The following ATXN2 variants were observed in gnomAD, a reference collection of about 807,000 sequenced individuals.
The protein encoded by ATXN2 is ataxin 2.
In ATXN2, 37 loss-of-function variants were observed where a neutral mutation model predicts 138.6. The ratio of observed to expected loss-of-function variants is 0.27; its 90% CI spans 0.21 to 0.35. The LOEUF (loss-of-function observed/expected upper bound fraction) is 0.35, where lower values mean the gene tolerates loss of function less well. ATXN2 is among the 10% of genes least tolerant of loss of function. The pLI is 1.00. For synonymous variants in ATXN2, 549 were observed against 543.7 expected, an observed-to-expected ratio of 1.01 and a Z score of -0.13; for missense variants, 1,216 against 1,480.3, an observed-to-expected ratio of 0.82 and a Z score of 2.93.
chr12:111,537,939 A>C (rs1400982461), intron 5 of ATXN2, among the ~76,000 whole-genome samples: 1 of 152,088 alleles, frequency 6.6e-6, no homozygotes, highest in African/African-American at 2.4e-5. Context: ...AACAAAAAAT[A>C]ACAACAAAAA....
At chr12:111,544,747 G>A (rs939930849) in intron 5 of ATXN2, among the ~76,000 whole-genome samples, 1 of 152,152 alleles carries the variant, frequency 6.6e-6, no homozygotes, top group African/African-American at 2.4e-5. Flanking sequence ...TTCTGAAGGA[G>A]GGTGAAACCA....
intron 1 of ATXN2, among the ~76,000 whole-genome samples, chr12:111,595,055 G>A (rs1429205036): frequency 6.6e-6 from 1 of 152,038 alleles, no homozygotes; most frequent in Non-Finnish European, 1.5e-5. Flanking sequence ...CAGTAAAAAT[G>A]CAATTTTTCC....
chr12:111,558,877 G>A (rs1334185344), intron 1 of ATXN2, among the ~76,000 whole-genome samples: 1 of 151,104 alleles, frequency 6.6e-6, no homozygotes, highest in Non-Finnish European at 1.5e-5. Flanking sequence ...GGTATGAGCT[G>A]ATAACTATTA....
At chr12:111,517,220 C>T (rs1277199860) in intron 9 of ATXN2, among the ~76,000 whole-genome samples, 3 of 152,126 alleles carry the variant, frequency 2.0e-5, no homozygotes, top group African/African-American at 7.2e-5. Context: ...GTCTCCTCTC[C>T]ATAGGGTTCC....
At chr12:111,576,165 C>T (rs1225864107) in intron 1 of ATXN2, among the ~76,000 whole-genome samples, 3 of 147,506 alleles carry the variant, frequency 2.0e-5, no homozygotes, top group African/African-American at 5.1e-5. Context: ...ATAGTCTGGC[C>T]GGGCACCACG....
chr12:111,515,157 G>A (rs186248591), intron 10 of ATXN2, among the ~76,000 whole-genome samples: 4 of 152,254 alleles, frequency 2.6e-5, no homozygotes, highest in Non-Finnish European at 5.9e-5. Flanking sequence ...CATATGACCT[G>A]CCTGCTTAGA....
At position 111,510,002 on chromosome 12, in the gene ATXN2, GA is replaced by G. The variant is rs1287713101; in HGVS notation, c.1757-5del. 9 of 1,581,014 alleles carry G rather than the reference GA, an allele frequency of 5.7e-6. No individual in the cohort carries two copies. Among genetic ancestry groups the G allele is most frequent in the Non-Finnish European group, 6.0e-6 (7 of 1,164,366 alleles). On this transcript the variant is annotated splice_polypyrimidine_tract_variant and splice_region_variant and intron_variant, in intron 12 of 24. Coordinates refer to ENST00000673436, the MANE Select transcript of ATXN2 (RefSeq NM_001372574.1). ...TCTTGAAGCCTGGAATCTTTAGCTA[GA>G]AAACAATTTTTTAAAAAAAATTCAG...
At chr12:111,563,963 C>T (rs1205864630) in intron 1 of ATXN2, among the ~76,000 whole-genome samples, 1 of 152,202 alleles carries the variant, frequency 6.6e-6, no homozygotes, top group Non-Finnish European at 1.5e-5. Context: ...TCAGGACCAT[C>T]ACCTGACCAT....
At chr12:111,474,388 AC>A (rs1443000792) in intron 18 of ATXN2, among the ~76,000 whole-genome samples, 1 of 146,748 alleles carries the variant, frequency 6.8e-6, no homozygotes, top group Non-Finnish European at 1.5e-5. Context: ...AGATGGTGAG[AC>A]TCTGTCTCAA....
chr12:111,500,267 T>C (rs1033689392), intron 14 of ATXN2, among the ~76,000 whole-genome samples: 1 of 152,134 alleles, frequency 6.6e-6, no homozygotes, highest in African/African-American at 2.4e-5. Flanking sequence ...ACACAATAGA[T>C]TACCATTCAG....
At chr12:111,480,780 T>C (rs751478590) in intron 18 of ATXN2, among the ~76,000 whole-genome samples, 7 of 152,120 alleles carry the variant, frequency 4.6e-5, no homozygotes, top group Non-Finnish European at 1.0e-4. Flanking sequence ...TCTCATCTCA[T>C]ACACAAAAAT....
chr12:111,485,278 A>G lies in ATXN2; in HGVS notation c.2511T>C (p.Tyr837=), dbSNP rs764150335. Residue 837 remains tyrosine, a synonymous_variant, in exon 18 of 25, where the codon TAT becomes TAC. Coordinates refer to ENST00000673436, the MANE Select transcript of ATXN2 (RefSeq NM_001372574.1). ...GATTATTCTCACCTTTACCTGCTCTATATGTCTTGGCTTGATTCACTGGCA... is the reference window on the plus strand; with the variant it reads ...GATTATTCTCACCTTTACCTGCTCTGTATGTCTTGGCTTGATTCACTGGCA... ...TPMPVNQAKT[Y]RAGKVPNMPQ... The G allele has an allele frequency of 2.7e-5, 43 of 1,612,684 alleles. No homozygotes were observed. In the South Asian group the frequency reaches 3.9e-4, roughly 14 times the overall value.
chr12:111,481,242 C>T (rs1216186018), intron 18 of ATXN2, among the ~76,000 whole-genome samples: 1 of 152,038 alleles, frequency 6.6e-6, no homozygotes, highest in Non-Finnish European at 1.5e-5. Flanking sequence ...CTCAGGAATT[C>T]GAGACCAGCC....
intron 14 of ATXN2, among the ~76,000 whole-genome samples, chr12:111,501,612 T>C (rs1250322557): frequency 6.6e-6 from 1 of 152,164 alleles, no homozygotes; most frequent in Non-Finnish European, 1.5e-5. Flanking sequence ...ATTACCAATA[T>C]AGCTAAAGAG....
intron 14 of ATXN2, among the ~76,000 whole-genome samples, chr12:111,501,986 G>C (rs966331969): frequency 8.6e-5 from 13 of 152,012 alleles, no homozygotes; most frequent in African/African-American, 3.1e-4. Flanking sequence ...CCATCTCCCA[G>C]GCTCAAGTGA....
intron 8 of ATXN2, 67 bp downstream of exon 8, chr12:111,519,812 A>G (rs2135740835): frequency 6.2e-7 from 1 of 1,608,310 alleles, no homozygotes; most frequent in Non-Finnish European, 8.5e-7. Context: ...TATAATAACA[A>G]TACACCGTCT....
chr12:111,509,675 T>A (rs1879387246), intron 13 of ATXN2, 56 bp from the exon 14 acceptor site: 3 of 1,054,678 alleles, frequency 2.8e-6, no homozygotes, highest in Non-Finnish European at 4.2e-6. Context: ...TAACATCACA[T>A]TCTTTTTAGT....
chr12:111,537,549 C>T (rs139001224), intron 5 of ATXN2, among the ~76,000 whole-genome samples: 68 of 150,744 alleles, frequency 4.5e-4, no homozygotes, highest in Middle Eastern at 3.4e-3. Context: ...TGCCACTGCG[C>T]TCCAGCCTGG....
chr12:111,581,453 G>A, intron 1 of ATXN2: 2 of 850,522 alleles, frequency 2.4e-6, no homozygotes, highest in Admixed American at 1.7e-5. Flanking sequence ...GCTCAAGGAG[G>A]AGCAAGAGGT....
Sources: allele counts gnomAD v4.1 joint callset (sites outside exome capture counted in the v4.1 genomes callset), GRCh38; gene constraint gnomAD v4.1.1; transcripts MANE v1.5; gene names NCBI Gene and HGNC (gene_info 2026-07-23, HGNC 2026-07-21).